PIP5K1B: variants seen among roughly 807,000 people sequenced by gnomAD.
PIP5K1B encodes phosphatidylinositol 4-phosphate 5-kinase type-1 beta.
In PIP5K1B, 42 loss-of-function variants were observed where a neutral mutation model predicts 67.0. That is an observed-to-expected ratio of 0.63 (90% CI 0.49 to 0.81). The LOEUF is 0.81. Ranked by LOEUF, PIP5K1B falls within the 30% of genes least tolerant of loss-of-function variation. The pLI is 0.00. For synonymous variants in PIP5K1B, 214 were observed against 231.4 expected (o/e 0.92, Z 0.68); for missense variants, 459 against 646.3 (o/e 0.71, Z 3.14).
chr9:68,725,038 C>A (rs942939549), intron 1 of PIP5K1B, among the ~76,000 whole-genome samples: 1 of 152,156 alleles, frequency 6.6e-6, no homozygotes, highest in Non-Finnish European at 1.5e-5. Flanking sequence ...ATCTACAACA[C>A]CCAGTGCAGA....
rs1020624699 is a variant in PIP5K1B at position 68,786,525 on chromosome 9, T to C, written c.-85-31936T>C. ...TTGAAGACCATTTCCCAGCTAACTT[T>C]AGCAACTTGCTTTATTTTACTAGTG... On this transcript the variant is annotated intron_variant, in intron 2 of 15. Coordinates refer to ENST00000265382, the MANE Select transcript of PIP5K1B (RefSeq NM_003558.4). 7.9e-4 allele frequency among the ~76,000 whole-genome samples: 120 copies of C among 151,988 alleles called. 1 individual carries two copies. The highest frequency in any genetic ancestry group is 1.0e-3 in the Non-Finnish European group (70 of 67,998).
rs1039434147 is a variant in PIP5K1B, at chr9:68,980,868, A to G, written c.1503-10272A>G. On this transcript the variant is annotated intron_variant, in intron 14 of 15. Transcript: ENST00000265382. ...ATGAATTTAAGCAAACTTAGGGGGC[A>G]AAAAAAAGACTCCATTTAACTTTGA... Among the ~76,000 whole-genome samples, 36 of 152,118 alleles carry G rather than the reference A, an allele frequency of 2.4e-4. 1 individual carries two copies. Among genetic ancestry groups the G allele is most frequent in the Admixed American group, 2.1e-3 (32 of 15,276 alleles).
At chr9:68,837,607 GTT>G (rs57120656) in intron 4 of PIP5K1B, among the ~76,000 whole-genome samples, 18 of 111,870 alleles carry the variant, frequency 1.6e-4, no homozygotes, top group African/African-American at 5.0e-4. Context: ...CTTACTTTGT[GTT>G]TTTTTTTTTT....
chr9:68,865,097 A>ATT lies in PIP5K1B; in HGVS notation c.200+1130_200+1131insTT, dbSNP rs546399645. 4.7e-4 allele frequency among the ~76,000 whole-genome samples: 72 copies of ATT among 152,300 alleles called. 1 individual carries two copies. The East Asian group carries it at 0.012, about 24-fold the overall frequency. On this transcript the variant is annotated intron_variant, in intron 5 of 15. Transcript: ENST00000265382. ...AAGTCAGCTACCTCGTTTTGCTTTA[A>ATT]ATGCTCTTAGCTGCAGAATAAAGTT...
intron 15 of PIP5K1B, among the ~76,000 whole-genome samples, chr9:68,998,393 T>G (rs1830684630): frequency 6.6e-6 from 1 of 152,232 alleles, no homozygotes; most frequent in South Asian, 2.1e-4. Context: ...CCAGTTTGCC[T>G]GGGTCTTTTA....
chr9:68,990,375 C>T (rs747328950), intron 14 of PIP5K1B, among the ~76,000 whole-genome samples: 1 of 151,464 alleles, frequency 6.6e-6, no homozygotes, highest in Non-Finnish European at 1.5e-5. Context: ...AGTTTGAGAA[C>T]CACTGATGTA....
chr9:68,940,334 C>T (rs907318664), intron 13 of PIP5K1B, among the ~76,000 whole-genome samples: 1 of 152,188 alleles, frequency 6.6e-6, no homozygotes, highest in Non-Finnish European at 1.5e-5. Context: ...TCTGCTTTAA[C>T]TCCTATGAGT....
intron 9 of PIP5K1B, among the ~76,000 whole-genome samples, chr9:68,918,992 A>G (rs4744737): frequency 0.97 from 147,466 of 152,316 alleles, 71,420 homozygotes; most frequent in East Asian, 1. Flanking sequence ...CTAGAAAAGC[A>G]TACCAGATAT....
At chr9:68,712,555 G>A (rs368485331) in intron 1 of PIP5K1B, among the ~76,000 whole-genome samples, 6 of 152,300 alleles carry the variant, frequency 3.9e-5, no homozygotes, top group Non-Finnish European at 1.5e-5. Flanking sequence ...TAGGTCCTCA[G>A]TAAATATTTA....
At chr9:68,982,135 C>G (rs1433912998) in intron 14 of PIP5K1B, among the ~76,000 whole-genome samples, 1 of 152,166 alleles carries the variant, frequency 6.6e-6, no homozygotes, top group Non-Finnish European at 1.5e-5. Flanking sequence ...ACTCCTAAAC[C>G]CAGTCACGTA....
At chr9:68,944,123 G>A (rs1291393509) in intron 14 of PIP5K1B, among the ~76,000 whole-genome samples, 2 of 152,160 alleles carry the variant, frequency 1.3e-5, no homozygotes, top group African/African-American at 4.8e-5. Flanking sequence ...AAGTTGCACT[G>A]TGCAGTCTTG....
At chr9:68,920,336 A>G (rs1244941708) in intron 11 of PIP5K1B, among the ~76,000 whole-genome samples, 1 of 147,650 alleles carries the variant, frequency 6.8e-6, no homozygotes, top group Non-Finnish European at 1.5e-5. Context: ...CAACATTTAT[A>G]CATGCTGGCT....
At chr9:68,862,085 T>G (rs1395833080) in intron 4 of PIP5K1B, among the ~76,000 whole-genome samples, 3 of 152,138 alleles carry the variant, frequency 2.0e-5, no homozygotes, top group Non-Finnish European at 4.4e-5. Flanking sequence ...GACATAACCT[T>G]TATTGTAGAA....
chr9:68,721,188 A>C (rs1336548916), intron 1 of PIP5K1B, among the ~76,000 whole-genome samples: 1 of 152,156 alleles, frequency 6.6e-6, no homozygotes, highest in Non-Finnish European at 1.5e-5. Flanking sequence ...CAACTAGAAG[A>C]GTTTGATGGA....
chr9:68,824,699 G>T (rs1796859823), intron 4 of PIP5K1B, among the ~76,000 whole-genome samples: 2 of 152,170 alleles, frequency 1.3e-5, no homozygotes, highest in South Asian at 4.1e-4. Context: ...GTATTGATAT[G>T]AATAGCAAGA....
intron 8 of PIP5K1B, among the ~76,000 whole-genome samples, chr9:68,899,660 TG>T (rs1228542549): frequency 6.6e-6 from 1 of 152,290 alleles, no homozygotes; most frequent in Non-Finnish European, 1.5e-5. Context: ...AAAGTTGTAC[TG>T]GTTGTCCTCC....
chr9:68,869,483 T>C (rs1823523091), intron 5 of PIP5K1B, among the ~76,000 whole-genome samples: 1 of 152,192 alleles, frequency 6.6e-6, no homozygotes, highest in Non-Finnish European at 1.5e-5. Context: ...TCTTATATCA[T>C]GTGGGTCAGC....
chr9:69,008,658 G>A lies in PIP5K1B; in HGVS notation c.*209G>A, dbSNP rs1831198313. 10 of 577,092 alleles carry A rather than the reference G, an allele frequency of 1.7e-5. No individual in the cohort carries two copies. Among genetic ancestry groups the A allele is most frequent in the Middle Eastern group, 8.4e-4 (2 of 2,372 alleles). 35.7% of individuals were successfully genotyped at this position (577,092 alleles called of 1,614,324 possible). A position where few individuals can be genotyped will look rare whatever the true frequency, so the allele number is the denominator to read the frequency against. On this transcript the variant is annotated 3_prime_UTR_variant, in exon 16 of 16. Transcript: ENST00000265382. ...AAAATACTACCCTATTCTATCATTT[G>A]CTGTTGCTTGCTGAACTGTGAAGAA... is the stretch of plus-strand genomic sequence containing the variant.
intron 6 of PIP5K1B, 58 bp downstream of exon 6, chr9:68,876,852 C>T: frequency 2.3e-6 from 2 of 871,298 alleles, no homozygotes; most frequent in South Asian, 1.4e-5. Context: ...ACATTTGTCT[C>T]ATAGCAACAG....
Sources: allele counts gnomAD v4.1 joint callset (sites outside exome capture counted in the v4.1 genomes callset), GRCh38; gene constraint gnomAD v4.1.1; transcripts MANE v1.5; gene names NCBI Gene and HGNC (gene_info 2026-07-23, HGNC 2026-07-21).